The following GALNT13 variants were observed in gnomAD, a reference collection of about 807,000 sequenced individuals.
GALNT13 encodes the protein UDP-GalNAc:polypeptide N-acetylgalactosaminyltransferase 13.
In GALNT13, 28 loss-of-function variants were observed where a neutral mutation model predicts 64.2. The observed-to-expected ratio is 0.44, with a 90% CI of 0.32 to 0.60. The LOEUF (loss-of-function observed/expected upper bound fraction) is 0.60. Among genes scored for constraint, GALNT13 ranks in the 20% least tolerant of loss-of-function variants. The pLI is 0.05. For missense variants in GALNT13, 577 were observed against 669.8 expected, an observed-to-expected ratio of 0.86 and a Z score of 1.53; for synonymous variants, 214 against 224.6, an observed-to-expected ratio of 0.95 and a Z score of 0.42.
At chr2:153,307,182 T>C in the GALNT13 span, among the ~76,000 whole-genome samples, 4 of 152,222 alleles carry the variant, frequency 2.6e-5, no homozygotes, top group South Asian at 8.3e-4. Context: ...TCAATTAATC[T>C]AATAAACCTG....
At chr2:153,648,773 G>T in the GALNT13 span, among the ~76,000 whole-genome samples, 2 of 152,044 alleles carry the variant, frequency 1.3e-5, no homozygotes, top group Non-Finnish European at 2.9e-5. Context: ...TACGTTTATT[G>T]ATTTGCGTAT....
chr2:154,176,504 G>T (rs1685663914), intron 4 of GALNT13, among the ~76,000 whole-genome samples: 1 of 151,784 alleles, frequency 6.6e-6, no homozygotes. Context: ...TGCCTGCCTT[G>T]GCCTCCCAAA....
chr2:153,163,545 A>G, the GALNT13 span, among the ~76,000 whole-genome samples: 4 of 152,208 alleles, frequency 2.6e-5, no homozygotes, highest in Admixed American at 2.6e-4. Context: ...CTCAACCCTC[A>G]GAACTTCAAA....
the GALNT13 span, among the ~76,000 whole-genome samples, chr2:153,632,444 G>A: frequency 2.6e-5 from 4 of 152,164 alleles, no homozygotes; most frequent in East Asian, 7.8e-4. Context: ...AAAATGTCAT[G>A]TATTCATCCA....
chr2:153,843,206 A>G, the GALNT13 span, among the ~76,000 whole-genome samples: 1 of 152,260 alleles, frequency 6.6e-6, no homozygotes, highest in East Asian at 1.9e-4. Context: ...CAGGCTTTAC[A>G]GGAAACATGT....
the GALNT13 span, among the ~76,000 whole-genome samples, chr2:153,448,379 G>C: frequency 6.6e-6 from 1 of 152,050 alleles, no homozygotes; most frequent in Non-Finnish European, 1.5e-5. Flanking sequence ...TCCTCTAACA[G>C]TTTATTTTTT....
chr2:154,145,244 A>T (rs1683525585), intron 4 of GALNT13, among the ~76,000 whole-genome samples: 1 of 151,384 alleles, frequency 6.6e-6, no homozygotes, highest in African/African-American at 2.4e-5. Flanking sequence ...TAAAATTTTT[A>T]AAGTAAATAT....
At chr2:154,387,492 A>G (rs1205494713) in intron 9 of GALNT13, among the ~76,000 whole-genome samples, 1 of 151,996 alleles carries the variant, frequency 6.6e-6, no homozygotes, top group Non-Finnish European at 1.5e-5. Flanking sequence ...GTTGTTGACT[A>G]TAGTCACCTG....
the GALNT13 span, among the ~76,000 whole-genome samples, chr2:153,187,797 C>T: frequency 0.13 from 19,302 of 152,000 alleles, 1,491 homozygotes; most frequent in Non-Finnish European, 0.17. Context: ...AAGAAAATTA[C>T]GATTCTGTAT....
the GALNT13 span, among the ~76,000 whole-genome samples, chr2:153,098,188 A>C: frequency 6.6e-6 from 1 of 152,206 alleles, no homozygotes. Flanking sequence ...TCTTTGGATC[A>C]GTGTTTTTCT....
the GALNT13 span, among the ~76,000 whole-genome samples, chr2:153,625,672 T>C: frequency 2.0e-5 from 3 of 152,136 alleles, no homozygotes; most frequent in African/African-American, 2.4e-5. Context: ...CCTCCTTGAC[T>C]GTTGCTGAAG....
chr2:153,108,425 C>T, the GALNT13 span, among the ~76,000 whole-genome samples: 1 of 151,984 alleles, frequency 6.6e-6, no homozygotes, highest in Admixed American at 6.6e-5. Flanking sequence ...GTCTTTCTAC[C>T]TCAAACATTA....
intron 3 of GALNT13, among the ~76,000 whole-genome samples, chr2:153,997,094 A>G (rs1695571127): frequency 6.6e-6 from 1 of 152,042 alleles, no homozygotes; most frequent in Non-Finnish European, 1.5e-5. Context: ...ATATTTTGAA[A>G]TCAGGTAATT....
chr2:153,783,410 T>TTTGTTTGTTTGTTGC, the GALNT13 span, among the ~76,000 whole-genome samples: 1 of 115,352 alleles, frequency 8.7e-6, no homozygotes, highest in South Asian at 2.9e-4. Flanking sequence ...TTTTTTGTTG[T>TTTGTTTGTTTGTTGC]TGTTTGTTTG....
At chr2:154,306,743 C>A (rs896020531) in intron 9 of GALNT13, among the ~76,000 whole-genome samples, 7 of 151,804 alleles carry the variant, frequency 4.6e-5, no homozygotes, top group Non-Finnish European at 1.0e-4. Context: ...AGCCAGATTA[C>A]CCGTCTGAGT....
chr2:153,914,132 A>G (rs1338248513), intron 2 of GALNT13, among the ~76,000 whole-genome samples: 3 of 152,072 alleles, frequency 2.0e-5, no homozygotes, highest in African/African-American at 7.2e-5. Context: ...GCTTTATTGT[A>G]TTTTCTGTGT....
chr2:153,370,431 A>T, the GALNT13 span, among the ~76,000 whole-genome samples: 8 of 152,276 alleles, frequency 5.3e-5, no homozygotes, highest in East Asian at 1.3e-3. Context: ...AATTTAGCAA[A>T]TGAAATCCAG....
At chr2:153,246,822 T>C in the GALNT13 span, among the ~76,000 whole-genome samples, 1 of 152,190 alleles carries the variant, frequency 6.6e-6, no homozygotes, top group African/African-American at 2.4e-5. Context: ...GCAAATGGGC[T>C]AAATACCTCA....
chr2:153,116,142 G>T, the GALNT13 span, among the ~76,000 whole-genome samples: 8 of 152,034 alleles, frequency 5.3e-5, no homozygotes, highest in Non-Finnish European at 1.5e-5. Flanking sequence ...TCTAAATTGG[G>T]TTTTCTTGAT....
Sources: gnomAD v4.1 joint callset for allele counts (sites outside exome capture counted in the v4.1 genomes callset) on GRCh38, gnomAD v4.1.1 for gene constraint, MANE v1.5 for transcripts, NCBI Gene and HGNC (gene_info 2026-07-23, HGNC 2026-07-21) for gene names.